The following HIF3A variants were observed in gnomAD, a reference collection of about 807,000 sequenced individuals.
HIF3A encodes the protein hypoxia-inducible factor 3-alpha.
A neutral mutation model predicts 67.2 loss-of-function variants in HIF3A; 41 were observed. The ratio of observed to expected loss-of-function variants is 0.61; its 90% CI spans 0.48 to 0.79. The LOEUF (loss-of-function observed/expected upper bound fraction) is 0.79, where lower values mean the gene tolerates loss of function less well. Ranked by LOEUF, HIF3A falls within the 30% of genes least tolerant of loss-of-function variation. The pLI is 0.00. For missense variants in HIF3A, 855 were observed against 898.0 expected (o/e 0.95, Z 0.61); for synonymous variants, 356 against 374.8 (o/e 0.95, Z 0.58).
At chr19:46,325,238 C>T (rs763880188) in intron 10 of HIF3A, among the ~76,000 whole-genome samples, 9 of 151,956 alleles carry the variant, frequency 5.9e-5, no homozygotes, top group Non-Finnish European at 1.0e-4. Context: ...CTCAAGTGAT[C>T]CACCCACCTT....
intron 7 of HIF3A, 67 bp downstream of exon 7, chr19:46,312,334 C>T: frequency 1.9e-6 from 3 of 1,612,832 alleles, no homozygotes; most frequent in Non-Finnish European, 2.5e-6. Flanking sequence ...ACCAGGACCC[C>T]CCAGCTCCCC....
intron 13 of HIF3A, chr19:46,331,537 A>AAC (rs1971226254): frequency 8.5e-6 from 2 of 234,336 alleles, no homozygotes; most frequent in African/African-American, 4.6e-5. Flanking sequence ...AAAAAAAAAA[A>AAC]AAAACTCTGC....
chr19:46,308,468 TG>T (rs1315096295), intron 4 of HIF3A, 163 bp downstream of exon 4: 7 of 637,880 alleles, frequency 1.1e-5, no homozygotes, highest in South Asian at 1.9e-5. Flanking sequence ...GACCCTGCCC[TG>T]GGGGGGTCTG....
chr19:46,303,041 C>G (rs1168834703), intron 1 of HIF3A, among the ~76,000 whole-genome samples: 1 of 152,114 alleles, frequency 6.6e-6, no homozygotes, highest in East Asian at 1.9e-4. Flanking sequence ...TGTTTAAAGG[C>G]AGGCTTCCCT....
At chr19:46,324,941 T>TAC (rs1555785402) in intron 10 of HIF3A, among the ~76,000 whole-genome samples, 318 of 134,356 alleles carry the variant, frequency 2.4e-3, no homozygotes, top group African/African-American at 8.0e-3. Context: ...CATATATATA[T>TAC]ACATATATAT....
chr19:46,342,466 C>T lies in HIF3A; in HGVS notation c.*2844C>T, dbSNP rs1330280995. 1.3e-5 allele frequency: 2 copies of T among 151,766 alleles called. No individual in the cohort carries two copies. Among genetic ancestry groups the T allele is most frequent in the Non-Finnish European group, 2.9e-5 (2 of 68,000 alleles). 9.4% of individuals were successfully genotyped at this position (151,766 alleles called of 1,614,324 possible). On this transcript the variant is annotated 3_prime_UTR_variant, in exon 15 of 15. Transcript: ENST00000377670. Reference sequence around the variant, plus strand: ...CCCAGGCTGGTCGCGAACTACTGAGCTCAAGCAATTCTCCCTCCTTGGCCT... The same window carrying T: ...CCCAGGCTGGTCGCGAACTACTGAGTTCAAGCAATTCTCCCTCCTTGGCCT...
chr19:46,303,388 GA>G (rs1447156042), intron 1 of HIF3A, among the ~76,000 whole-genome samples: 8 of 152,152 alleles, frequency 5.3e-5, no homozygotes, highest in African/African-American at 1.9e-4. Flanking sequence ...TAGACTTTGA[GA>G]TCTATGTTCC....
rs1460799556 is a variant in HIF3A at position 46,336,894 on chromosome 19, G to A, written c.1912+1908G>A. Reference sequence around the variant, plus strand: ...CCCAACTACTCGGGAGGCTGAGACAGGAGAATCACTTGAGCCCAGGAGGCA... The same window carrying A: ...CCCAACTACTCGGGAGGCTGAGACAAGAGAATCACTTGAGCCCAGGAGGCA... On this transcript the variant is annotated intron_variant, in intron 14 of 14. Coordinates refer to ENST00000377670, the MANE Select transcript of HIF3A (RefSeq NM_152795.4). Among the ~76,000 whole-genome samples, 4 of 152,184 alleles carry A rather than the reference G, an allele frequency of 2.6e-5. No homozygotes were observed. In the East Asian group the frequency reaches 7.7e-4, roughly 29 times the overall value.
chr19:46,298,200 T>G (rs1212865995), intron 1 of HIF3A: 7 of 316,358 alleles, frequency 2.2e-5, no homozygotes, highest in Non-Finnish European at 4.4e-5. Flanking sequence ...CACCCCATGT[T>G]TCTAACCGCC....
chr19:46,337,925 T>C (rs1056380290), intron 14 of HIF3A, among the ~76,000 whole-genome samples: 1 of 152,232 alleles, frequency 6.6e-6, no homozygotes, highest in Non-Finnish European at 1.5e-5. Context: ...GCCAGGGCTG[T>C]CTGGGTCCCT....
In HIF3A at chr19:46,329,493, A is replaced by G; in HGVS notation, c.1712+15A>G. 6.7e-7 allele frequency: 1 copy of G among 1,496,898 alleles called. No homozygotes were observed. Among genetic ancestry groups the G allele is most frequent in the Non-Finnish European group, 8.9e-7 (1 of 1,123,120 alleles). 92.7% of individuals were successfully genotyped at this position (1,496,898 alleles called of 1,614,324 possible). ...GCTCGGAAGAGGTGAGCCACAGTAA[A>G]GGGGGGACATCAAGGCAGCATCCCC... On this transcript the variant is annotated intron_variant, in intron 12 of 14. Coordinates refer to ENST00000377670, the MANE Select transcript of HIF3A (RefSeq NM_152795.4).
Position 46,297,149 on chromosome 19 carries a change from T to A in HIF3A, c.26+47T>A. The A allele has an allele frequency of 2.7e-6, 1 of 373,840 alleles. No homozygotes were observed. The highest frequency in any genetic ancestry group is 4.5e-6 in the Non-Finnish European group (1 of 223,262). 23.2% of individuals were successfully genotyped at this position (373,840 alleles called of 1,614,324 possible). ...AGTTCTGGGAATTGGGGGGCTCTCC[T>A]CCTGGAGACCCCTGAGCTGGATTGT... On this transcript the variant is annotated intron_variant, in intron 1 of 14. Coordinates refer to ENST00000377670, the MANE Select transcript of HIF3A (RefSeq NM_152795.4). This position sits in a 1 kb window ranked among gnomAD's most constrained non-coding sequence, Gnocchi z 4.5.
chr19:46,306,202 A>G (rs1024552775), intron 3 of HIF3A, among the ~76,000 whole-genome samples: 8 of 152,244 alleles, frequency 5.3e-5, no homozygotes. Context: ...TTAAGGCCAA[A>G]TTATCTTTAT....
intron 3 of HIF3A, among the ~76,000 whole-genome samples, chr19:46,305,800 C>T (rs921164375): frequency 1.3e-5 from 2 of 152,136 alleles, no homozygotes; most frequent in African/African-American, 2.4e-5. Context: ...AAGTTGGCCA[C>T]GTGCAGTGGC....
At chr19:46,327,830 C>T (rs1204611667) in intron 11 of HIF3A, among the ~76,000 whole-genome samples, 1 of 152,146 alleles carries the variant, frequency 6.6e-6, no homozygotes, top group Admixed American at 6.5e-5. Flanking sequence ...AGATCAGAAA[C>T]AGACAAAGGA....
intron 14 of HIF3A, among the ~76,000 whole-genome samples, chr19:46,336,169 C>T (rs1415953519): frequency 7.3e-6 from 1 of 136,686 alleles, no homozygotes; most frequent in Non-Finnish European, 1.5e-5. Flanking sequence ...TCTTGGCTCA[C>T]TGCAGGCTCT....
chr19:46,303,861 C>G, intron 1 of HIF3A, 37 bp from the exon 2 acceptor site: 1 of 1,589,504 alleles, frequency 6.3e-7, no homozygotes. Context: ...TTTCTCTTTC[C>G]CGAGTCACCA....
intron 8 of HIF3A, chr19:46,312,882 A>ATTTTTTTTTTT (rs531816670): frequency 6.5e-5 from 57 of 879,032 alleles, no homozygotes; most frequent in Admixed American, 1.1e-4. Context: ...TAGACTGTTA[A>ATTTTTTTTTTT]TTTTTTTTTT....
intron 9 of HIF3A, 36 bp downstream of exon 9, chr19:46,320,597 C>A (rs773342820): frequency 6.6e-7 from 1 of 1,520,668 alleles, no homozygotes; most frequent in Non-Finnish European, 9.1e-7. Flanking sequence ...GGGGTTGTGT[C>A]CCCAGGGCCC....
Sources: gnomAD v4.1 joint callset for allele counts (sites outside exome capture counted in the v4.1 genomes callset) on GRCh38, gnomAD v4.1.1 for gene constraint, Gnocchi (gnomAD v3.1) non-coding constraint, MANE v1.5 for transcripts, NCBI Gene and HGNC (gene_info 2026-07-23, HGNC 2026-07-21) for gene names.